The following PHC2 variants were observed in gnomAD, a reference collection of about 807,000 sequenced individuals.
PHC2 encodes the protein polyhomeotic-like protein 2.
PHC2 carries 29 observed loss-of-function variants against 87.4 expected under a neutral mutation model. That is an observed-to-expected ratio of 0.33 (90% CI 0.25 to 0.45). The LOEUF is 0.45. PHC2 is among the 20% of genes least tolerant of loss of function. The probability of loss-of-function intolerance (pLI) is 1.00; values close to 1 mark genes in which losing one functional copy is unlikely to be tolerated. For synonymous variants in PHC2, 438 were observed against 461.7 expected, an observed-to-expected ratio of 0.95 and a Z score of 0.66; for missense variants, 857 against 1,136.7, an observed-to-expected ratio of 0.75 and a Z score of 3.54.
chr1:33,345,831 C>G (rs1646834620), intron 9 of PHC2: 1 of 984,910 alleles, frequency 1.0e-6, no homozygotes, highest in South Asian at 4.7e-5. Flanking sequence ...GTTTGCCTCT[C>G]AATACCTTTA....
Position 33,332,742 on chromosome 1 carries a change from G to A in PHC2, c.1762-338C>T, listed in dbSNP as rs888544936. 3.3e-5 allele frequency among the ~76,000 whole-genome samples: 5 copies of A among 152,208 alleles called. No individual in the cohort carries two copies. Among genetic ancestry groups the A allele is most frequent in the East Asian group, 1.9e-4 (1 of 5,176 alleles). ...TCAAGCACCAAGACCCAGTACCCAC[G>A]CATCTCCAGGCAAGGACAGAGCGGA... On this transcript the variant is annotated intron_variant, in intron 10 of 14. Transcript: ENST00000683057. The surrounding 1 kb of genome is among the most constrained non-coding windows in gnomAD (Gnocchi z 4.2).
intron 1 of PHC2, among the ~76,000 whole-genome samples, chr1:33,426,478 C>T (rs549052806): frequency 1.3e-5 from 2 of 152,218 alleles, no homozygotes; most frequent in South Asian, 4.1e-4. Context: ...AATGGGTATA[C>T]CTGACTACAA....
At position 33,349,062 on chromosome 1, in the gene PHC2, G is replaced by A; in HGVS notation, c.1558+5339C>T. The A allele has an allele frequency of 1.0e-6, 1 of 983,098 alleles. No individual in the cohort carries two copies. The highest frequency in any genetic ancestry group is 1.2e-6 in the Non-Finnish European group (1 of 827,798). 60.9% of individuals were successfully genotyped at this position (983,098 alleles called of 1,614,324 possible). A position where few individuals can be genotyped will look rare whatever the true frequency, so the allele number is the denominator to read the frequency against. ...AACAAATATAGTCTACCTTCATTTGGCATAGGAAGGAGAGAAAACGCTCTT... is the reference window on the plus strand; with the variant it reads ...AACAAATATAGTCTACCTTCATTTGACATAGGAAGGAGAGAAAACGCTCTT... On this transcript the variant is annotated intron_variant, in intron 9 of 14. Coordinates refer to ENST00000683057, the MANE Select transcript of PHC2 (RefSeq NM_001385109.1). This position sits in a 1 kb window ranked among gnomAD's most constrained non-coding sequence, Gnocchi z 4.2.
chr1:33,377,853 C>G (rs1648263682), intron 1 of PHC2, among the ~76,000 whole-genome samples: 1 of 151,910 alleles, frequency 6.6e-6, no homozygotes, highest in African/African-American at 2.4e-5. Context: ...TCACTGTGGG[C>G]TGAAAAAAGT....
At chr1:33,389,950 T>C (rs748443547) in intron 1 of PHC2, among the ~76,000 whole-genome samples, 1 of 152,240 alleles carries the variant, frequency 6.6e-6, no homozygotes, top group Non-Finnish European at 1.5e-5. Flanking sequence ...TCTTTTATCA[T>C]ATTTATGAAA....
At chr1:33,374,010 AG>A (rs952552086) in intron 2 of PHC2, among the ~76,000 whole-genome samples, 8 of 152,076 alleles carry the variant, frequency 5.3e-5, no homozygotes, top group Non-Finnish European at 1.0e-4. Context: ...TGTTGCCCCC[AG>A]ATTCCACTCC....
chr1:33,325,263 G>A, intron 14 of PHC2: 1 of 472,626 alleles, frequency 2.1e-6, no homozygotes, highest in Non-Finnish European at 3.8e-6. Context: ...CCTGCTCCAT[G>A]AACTGGGCGG....
intron 13 of PHC2, among the ~76,000 whole-genome samples, chr1:33,329,490 C>CA (rs34875983): frequency 1.5e-4 from 22 of 149,068 alleles, no homozygotes; most frequent in East Asian, 3.9e-4. Flanking sequence ...AGGTTTAAGA[C>CA]AAAAAAAAAA....
At chr1:33,396,220 T>C (rs573079263) in intron 1 of PHC2, among the ~76,000 whole-genome samples, 1 of 152,326 alleles carries the variant, frequency 6.6e-6, no homozygotes, top group African/African-American at 2.4e-5. Context: ...CCTGCTGTTT[T>C]CTATAGCTCC....
chr1:33,397,286 T>C (rs1385206782), intron 1 of PHC2, among the ~76,000 whole-genome samples: 8 of 152,144 alleles, frequency 5.3e-5, no homozygotes, highest in Admixed American at 5.2e-4. Flanking sequence ...AGGTGCTTAG[T>C]CCCGGGAACA....
In PHC2 at chr1:33,390,122, C is replaced by T. The variant is rs190784329; in HGVS notation, c.-54-14529G>A. ...GGCTGTGAGGAAGTGAGTTCCTAGT[C>T]GGTGGAGGGGTTCAAGCAGAGGCTG... On this transcript the variant is annotated intron_variant, in intron 1 of 14. Coordinates refer to ENST00000683057, the MANE Select transcript of PHC2 (RefSeq NM_001385109.1). Among the ~76,000 whole-genome samples, 413 of 152,104 alleles carry T rather than the reference C, an allele frequency of 2.7e-3. 5 individuals are homozygous for T. Among genetic ancestry groups the T allele is most frequent in the African/African-American group, 9.2e-3 (383 of 41,494 alleles).
intron 1 of PHC2, among the ~76,000 whole-genome samples, chr1:33,402,582 T>C (rs1390452712): frequency 6.6e-6 from 1 of 152,120 alleles, no homozygotes; most frequent in African/African-American, 2.4e-5. Flanking sequence ...AAAAATACAT[T>C]ATGGCATGTT....
intron 1 of PHC2, among the ~76,000 whole-genome samples, chr1:33,379,281 TCCCCGCCCACCGCC>T (rs1648337809): frequency 8.8e-6 from 1 of 114,062 alleles, no homozygotes; most frequent in South Asian, 3.4e-4. Context: ...AGGCTTTGTC[TCCCCGCCCACCGCC>T]CCCCTGCCCC....
At chr1:33,351,845 G>C (rs1220375146) in intron 9 of PHC2, among the ~76,000 whole-genome samples, 1 of 151,818 alleles carries the variant, frequency 6.6e-6, no homozygotes, top group Non-Finnish European at 1.5e-5. Flanking sequence ...CCAGCTACTC[G>C]GGAGGCTGAG....
chr1:33,381,045 A>C (rs1423113103), intron 1 of PHC2, among the ~76,000 whole-genome samples: 1 of 152,072 alleles, frequency 6.6e-6, no homozygotes, highest in African/African-American at 2.4e-5. Context: ...AACTCCTTAG[A>C]TCTTCAAAAC....
chr1:33,378,710 G>C (rs952925512), intron 1 of PHC2, among the ~76,000 whole-genome samples: 7 of 152,126 alleles, frequency 4.6e-5, no homozygotes, highest in African/African-American at 1.7e-4. Context: ...AATCAAGAGA[G>C]TAAGAGAGCA....
chr1:33,337,595 G>C (rs1325402264), intron 9 of PHC2, among the ~76,000 whole-genome samples: 1 of 152,182 alleles, frequency 6.6e-6, no homozygotes, highest in East Asian at 1.9e-4. Flanking sequence ...GCTGCTGTGA[G>C]GACTAATGAG....
intron 1 of PHC2, among the ~76,000 whole-genome samples, chr1:33,410,405 A>G (rs1326484493): frequency 6.6e-6 from 1 of 152,230 alleles, no homozygotes; most frequent in African/African-American, 2.4e-5. Context: ...ACAGCCGCTG[A>G]ATGGAACAGG....
At chr1:33,366,742 C>T (rs1647474024) in intron 7 of PHC2, among the ~76,000 whole-genome samples, 1 of 152,204 alleles carries the variant, frequency 6.6e-6, no homozygotes, top group Non-Finnish European at 1.5e-5. Flanking sequence ...CTGGTTCTTA[C>T]ATGCTTCTGG....
Sources: allele counts gnomAD v4.1 joint callset (sites outside exome capture counted in the v4.1 genomes callset), GRCh38; gene constraint gnomAD v4.1.1; non-coding constraint Gnocchi (gnomAD v3.1); transcripts MANE v1.5; gene names NCBI Gene and HGNC (gene_info 2026-07-23, HGNC 2026-07-21).